PCDH15: variants seen among roughly 807,000 people sequenced by gnomAD.
The protein encoded by PCDH15 is protocadherin-15.
In PCDH15, 129 loss-of-function variants were observed where a neutral mutation model predicts 178.5. The observed-to-expected ratio is 0.72, with a 90% confidence interval of 0.63 to 0.84. The LOEUF (loss-of-function observed/expected upper bound fraction) is 0.84. Ranked by LOEUF, PCDH15 falls within the 40% of genes least tolerant of loss-of-function variation. The pLI, the probability that PCDH15 is intolerant of heterozygous loss-of-function variation, is 0.00. For synonymous variants in PCDH15, 800 were observed against 732.0 expected (o/e 1.09, Z -1.50); for missense variants, 2,230 against 2,099.9 (o/e 1.06, Z -1.21).
intron 2 of PCDH15, chr10:55,512,985 T>C (rs535186089): frequency 2.0e-5 from 3 of 152,244 alleles, no homozygotes; most frequent in East Asian, 3.9e-4. Flanking sequence ...ACTGTGTATA[T>C]TGGCTTCATT....
At chr10:54,947,276 C>T (rs1760830746) in intron 2 of PCDH15, among the ~76,000 whole-genome samples, 1 of 151,874 alleles carries the variant, frequency 6.6e-6, no homozygotes, top group Non-Finnish European at 1.5e-5. Context: ...GAAATTTTGT[C>T]TCAGTGTTAC....
intron 2 of PCDH15, among the ~76,000 whole-genome samples, chr10:55,427,351 G>A (rs1838782029): frequency 6.6e-6 from 1 of 152,158 alleles, no homozygotes; most frequent in African/African-American, 2.4e-5. Context: ...AGGGTGTCAA[G>A]TGCTAAAATA....
rs186404207 is a variant in PCDH15, at chr10:54,093,130, C to T, written c.1918-3067G>A. On this transcript the variant is annotated intron_variant, in intron 15 of 37. Transcript: ENST00000644397. ...TAATTCCTTTCAATCCCAGAGGTAG[C>T]TTGAAATATTTCTTCAGTTTTATTT... is the stretch of plus-strand genomic sequence containing the variant. Among the ~76,000 whole-genome samples the T allele has an allele frequency of 4.8e-4, 73 of 152,128 alleles. 1 individual carries two copies. The highest frequency in any genetic ancestry group is 1.5e-3 in the African/African-American group (63 of 41,524).
chr10:54,712,221 GAAA>G (rs1566008798), intron 1 of PCDH15, among the ~76,000 whole-genome samples: 1 of 151,706 alleles, frequency 6.6e-6, no homozygotes, highest in African/African-American at 2.4e-5. Flanking sequence ...ATTGTCAGTA[GAAA>G]AATGAATATT....
chr10:55,007,583 A>G (rs1483069123), intron 2 of PCDH15, among the ~76,000 whole-genome samples: 1 of 152,132 alleles, frequency 6.6e-6, no homozygotes, highest in Non-Finnish European at 1.5e-5. Flanking sequence ...GTCACATACT[A>G]TCTATATTGT....
chr10:55,217,242 T>A, intron 1 of PCDH15, among the ~76,000 whole-genome samples: 1 of 151,934 alleles, frequency 6.6e-6, no homozygotes, highest in East Asian at 1.9e-4. Context: ...ATGGTTACTT[T>A]TATCTCTTAC....
At chr10:54,873,859 G>A (rs1954085645) in intron 3 of PCDH15, among the ~76,000 whole-genome samples, 1 of 149,988 alleles carries the variant, frequency 6.7e-6, no homozygotes, top group African/African-American at 2.4e-5. Flanking sequence ...CCTATTAGCT[G>A]AGTGGTCATC....
At chr10:54,525,296 G>A (rs1004805011) in intron 3 of PCDH15, among the ~76,000 whole-genome samples, 10 of 152,114 alleles carry the variant, frequency 6.6e-5, no homozygotes, top group African/African-American at 2.4e-4. Flanking sequence ...TTAAAGATTT[G>A]TTAGGCCTTT....
intron 1 of PCDH15, among the ~76,000 whole-genome samples, chr10:55,177,076 G>A (rs769134346): frequency 1.4e-4 from 22 of 152,056 alleles, no homozygotes; most frequent in South Asian, 6.2e-4. Flanking sequence ...TTTAAGGCTC[G>A]GCTCTATCAG....
At chr10:54,021,076 A>G (rs1433634913) in intron 19 of PCDH15, among the ~76,000 whole-genome samples, 1 of 152,058 alleles carries the variant, frequency 6.6e-6, no homozygotes, top group African/African-American at 2.4e-5. Context: ...TTATGGTCTC[A>G]GAGAAGAAAC....
At chr10:55,359,743 T>TAC (rs1371446472) in intron 2 of PCDH15, among the ~76,000 whole-genome samples, 5 of 117,934 alleles carry the variant, frequency 4.2e-5, no homozygotes, top group African/African-American at 1.3e-4. Flanking sequence ...TATATATATA[T>TAC]ATATACACAC....
intron 27 of PCDH15, among the ~76,000 whole-genome samples, chr10:53,859,967 T>C (rs968892594): frequency 1.3e-5 from 2 of 152,146 alleles, no homozygotes; most frequent in Non-Finnish European, 2.9e-5. Flanking sequence ...ACATTATATA[T>C]ACCCAACAGG....
At chr10:55,086,538 C>T (rs16906891) in intron 2 of PCDH15, among the ~76,000 whole-genome samples, 6,160 of 152,064 alleles carry the variant, frequency 0.041, 299 homozygotes, top group East Asian at 0.14. Flanking sequence ...TTCCACTGAG[C>T]ACACATCTAC....
intron 2 of PCDH15, among the ~76,000 whole-genome samples, chr10:55,128,789 G>C (rs1187554333): frequency 6.6e-6 from 1 of 151,752 alleles, no homozygotes; most frequent in Non-Finnish European, 1.5e-5. Context: ...GAGCTGTGAA[G>C]GCAGTCATCA....
chr10:54,755,948 C>T (rs1336801365), intron 1 of PCDH15, among the ~76,000 whole-genome samples: 2 of 151,934 alleles, frequency 1.3e-5, no homozygotes, highest in African/African-American at 2.4e-5. Flanking sequence ...AGACAAGGCG[C>T]GGTAGCTCAT....
intron 18 of PCDH15, among the ~76,000 whole-genome samples, chr10:54,065,165 A>C (rs1296230535): frequency 6.6e-6 from 1 of 152,186 alleles, no homozygotes; most frequent in Non-Finnish European, 1.5e-5. Flanking sequence ...CCATTGGCCA[A>C]CATTGCAGCT....
Position 54,475,531 on chromosome 10 carries a change from AT to A in PCDH15, c.157+52280del, listed in dbSNP as rs1394797350. 7.9e-5 allele frequency among the ~76,000 whole-genome samples: 12 copies of A among 152,166 alleles called. No individual in the cohort carries two copies. The East Asian group carries it at 2.3e-3, about 29-fold the overall frequency. On this transcript the variant is annotated intron_variant, in intron 3 of 37. Coordinates refer to ENST00000644397, the MANE Select transcript of PCDH15 (RefSeq NM_001384140.1). ...GGCACCCAAATCTTAATTCACTTGC[AT>A]TTAATCATGCTGGACCTATACAGAC... is the stretch of plus-strand genomic sequence containing the variant.
intron 7 of PCDH15, among the ~76,000 whole-genome samples, chr10:54,324,849 T>G (rs1393835312): frequency 6.6e-6 from 1 of 152,084 alleles, no homozygotes; most frequent in Non-Finnish European, 1.5e-5. Flanking sequence ...AAAAGTGTTC[T>G]TATATATTTC....
chr10:54,417,170 G>A (rs1954551172), intron 3 of PCDH15, among the ~76,000 whole-genome samples: 1 of 152,124 alleles, frequency 6.6e-6, no homozygotes, highest in Admixed American at 6.6e-5. Flanking sequence ...GATTACAGAT[G>A]TGAGCTACCT....
Sources: allele counts gnomAD v4.1 joint callset (sites outside exome capture counted in the v4.1 genomes callset), GRCh38; gene constraint gnomAD v4.1.1; transcripts MANE v1.5; gene names NCBI Gene and HGNC (gene_info 2026-07-23, HGNC 2026-07-21).